GSE1: variants seen among roughly 807,000 people sequenced by gnomAD.
GSE1 encodes Gse1 coiled-coil protein.
GSE1 carries 32 observed loss-of-function variants against 112.6 expected under a neutral mutation model. The ratio of observed to expected loss-of-function variants is 0.28; its 90% CI spans 0.21 to 0.38. The LOEUF (loss-of-function observed/expected upper bound fraction) is 0.38, where lower values mean the gene tolerates loss of function less well. Ranked by LOEUF, GSE1 falls within the 10% of genes least tolerant of loss-of-function variation. The pLI, the probability that GSE1 is intolerant of heterozygous loss-of-function variation, is 1.00. For synonymous variants in GSE1, 1,115 were observed against 735.6 expected, an observed-to-expected ratio of 1.52 and a Z score of -8.35; for missense variants, 2,348 against 1,699.2, an observed-to-expected ratio of 1.38 and a Z score of -6.71.
At chr16:85,532,330 G>A (rs536950687) in intron 2 of GSE1, among the ~76,000 whole-genome samples, 65 of 152,284 alleles carry the variant, frequency 4.3e-4, no homozygotes, top group African/African-American at 1.4e-3. Context: ...GTACAATCAT[G>A]GCTCACTGCA....
chr16:85,616,407 G>T (rs1422503220), intron 1 of GSE1, among the ~76,000 whole-genome samples: 1 of 152,236 alleles, frequency 6.6e-6, no homozygotes, highest in Non-Finnish European at 1.5e-5. Flanking sequence ...GGCTAGCAGG[G>T]CCGGTTTTTC....
intron 2 of GSE1, among the ~76,000 whole-genome samples, chr16:85,363,531 C>A (rs1199727000): frequency 6.6e-6 from 1 of 152,206 alleles, no homozygotes; most frequent in Non-Finnish European, 1.5e-5. Flanking sequence ...TGGCTCTTCC[C>A]ATGGGGTTTC....
intron 1 of GSE1, among the ~76,000 whole-genome samples, chr16:85,292,068 G>A (rs1456698112): frequency 6.6e-6 from 1 of 152,056 alleles, no homozygotes; most frequent in Non-Finnish European, 1.5e-5. Context: ...GCAGCTTTGG[G>A]CACATTGCTT....
At chr16:85,263,226 A>G (rs1296142461) in intron 1 of GSE1, among the ~76,000 whole-genome samples, 2 of 152,066 alleles carry the variant, frequency 1.3e-5, no homozygotes, top group East Asian at 3.9e-4. Context: ...TGATGTTAGC[A>G]TCATGCTTGT....
At chr16:85,383,711 C>T (rs2047619612) in intron 2 of GSE1, among the ~76,000 whole-genome samples, 1 of 152,134 alleles carries the variant, frequency 6.6e-6, no homozygotes, top group Non-Finnish European at 1.5e-5. Context: ...GGAGCAGAGG[C>T]CAAGAGGAGA....
At chr16:85,209,322 G>C (rs1015513046) in intron 1 of GSE1, among the ~76,000 whole-genome samples, 1 of 152,164 alleles carries the variant, frequency 6.6e-6, no homozygotes, top group Non-Finnish European at 1.5e-5. Context: ...GCTGGCCAGG[G>C]CAACATCCTC....
intron 2 of GSE1, among the ~76,000 whole-genome samples, chr16:85,531,818 A>G (rs2044147333): frequency 6.6e-6 from 1 of 152,188 alleles, no homozygotes; most frequent in Admixed American, 6.5e-5. Context: ...GGACAGGAAA[A>G]GGACAACTTA....
At chr16:85,240,960 C>T (rs1431923059) in intron 1 of GSE1, among the ~76,000 whole-genome samples, 3 of 152,130 alleles carry the variant, frequency 2.0e-5, no homozygotes, top group African/African-American at 7.2e-5. Context: ...AGAAAAAATG[C>T]CCCCTTGAAA....
chr16:85,268,816 C>T (rs981785056), intron 1 of GSE1, among the ~76,000 whole-genome samples: 1 of 152,166 alleles, frequency 6.6e-6, no homozygotes, highest in Non-Finnish European at 1.5e-5. Flanking sequence ...CCACCACCTT[C>T]CAGGTGGACT....
In GSE1 at chr16:85,188,208, C is replaced by T. The variant is rs79057321; in HGVS notation, c.2283+16401C>T. Among the ~76,000 whole-genome samples the T allele has an allele frequency of 2.0e-4, 31 of 152,286 alleles. No individual in the cohort carries two copies. In the East Asian group the frequency reaches 4.3e-3, roughly 21 times the overall value. Reference sequence around the variant, plus strand: ...TGAGAGACGGAGGGGCATTCAGACACGTGGTCCTTCACGGGGCTGCTGGGC... The same window carrying T: ...TGAGAGACGGAGGGGCATTCAGACATGTGGTCCTTCACGGGGCTGCTGGGC... On this transcript the variant is annotated intron_variant, in intron 1 of 2. Transcript: ENST00000637419.
intron 2 of GSE1, among the ~76,000 whole-genome samples, chr16:85,417,402 T>A (rs373654569): frequency 0.19 from 28,165 of 152,232 alleles, 2,772 homozygotes; most frequent in Middle Eastern, 0.32. Context: ...AGACCCGAGC[T>A]GGAAGAAGAT....
rs115362212 is a variant in GSE1, at chr16:85,601,616, T to C, written c.37+45253T>C. Among the ~76,000 whole-genome samples the C allele has an allele frequency of 3.3e-3, 502 of 152,044 alleles. 3 individuals are homozygous for C. Among genetic ancestry groups the C allele is most frequent in the African/African-American group, 0.012 (481 of 41,434 alleles). On this transcript the variant is annotated intron_variant, in intron 1 of 2. Coordinates refer to the GSE1 transcript ENST00000635906. ...AGGGCCACAGGCGGCTGACTAAAAA[T>C]CTCCACACCAGGAACTTCGAGCGAT...
At chr16:85,633,124 G>A (rs948726045) in intron 1 of GSE1, among the ~76,000 whole-genome samples, 8 of 152,204 alleles carry the variant, frequency 5.3e-5, no homozygotes, top group African/African-American at 1.7e-4. Flanking sequence ...AAGCTGCACC[G>A]CGGTTTGGAT....
chr16:85,520,971 C>G (rs28668770), intron 2 of GSE1, among the ~76,000 whole-genome samples: 116 of 152,208 alleles, frequency 7.6e-4, no homozygotes, highest in Middle Eastern at 3.4e-3. Flanking sequence ...GCAGACAGAC[C>G]GGTCCAACAG....
At chr16:85,627,279 T>A (rs1279630802) in intron 1 of GSE1, among the ~76,000 whole-genome samples, 1 of 151,388 alleles carries the variant, frequency 6.6e-6, no homozygotes, top group Non-Finnish European at 1.5e-5. Flanking sequence ...GCTGCTTCAT[T>A]CTCCGTTTCC....
rs1032349682 is a variant in GSE1, at chr16:85,269,469, A to T, written c.2284-87994A>T. ...GTGAGTGTGTGTGTGTGTGTGTGTG[A>T]GTGTTCTCACCCTTGTGTTCTACGG... On this transcript the variant is annotated intron_variant, in intron 1 of 2. Coordinates refer to the GSE1 transcript ENST00000637419. Among the ~76,000 whole-genome samples, 2 of 146,270 alleles carry T rather than the reference A, an allele frequency of 1.4e-5. 1 individual carries two copies. Among genetic ancestry groups the T allele is most frequent in the Non-Finnish European group, 3.1e-5 (2 of 65,464 alleles).
chr16:85,218,691 G>A (rs1224802654), intron 1 of GSE1, among the ~76,000 whole-genome samples: 4 of 152,196 alleles, frequency 2.6e-5, no homozygotes, highest in Admixed American at 6.5e-5. Flanking sequence ...CCAGCTCTGC[G>A]CCTGGCTCAC....
At chr16:85,525,653 C>T (rs377711384) in intron 2 of GSE1, among the ~76,000 whole-genome samples, 2 of 152,234 alleles carry the variant, frequency 1.3e-5, no homozygotes, top group Admixed American at 6.5e-5. Flanking sequence ...CTTTAGGGGG[C>T]TCCATTTGTC....
chr16:85,413,651 A>G (rs987417437), intron 2 of GSE1, among the ~76,000 whole-genome samples: 1 of 152,178 alleles, frequency 6.6e-6, no homozygotes, highest in Admixed American at 6.5e-5. Flanking sequence ...ACTGTACCTT[A>G]TAAAACTGAC....
Sources: allele counts gnomAD v4.1 joint callset (sites outside exome capture counted in the v4.1 genomes callset), GRCh38; gene constraint gnomAD v4.1.1; transcripts MANE v1.5; gene names NCBI Gene and HGNC (gene_info 2026-07-23, HGNC 2026-07-21).